Variants in ATP2B2 observed in about 807,000 individuals in gnomAD.
ATP2B2 encodes the protein plasma membrane calcium-transporting ATPase 2.
ATP2B2 carries 15 observed loss-of-function variants against 120.0 expected under a neutral mutation model. The observed-to-expected ratio is 0.12, with a 90% CI of 0.08 to 0.19. The LOEUF (loss-of-function observed/expected upper bound fraction) is 0.19, where lower values mean the gene tolerates loss of function less well. ATP2B2 is among the 10% of genes least tolerant of loss of function. ATP2B2 has a pLI of 1.00. For synonymous variants in ATP2B2, 694 were observed against 700.3 expected, an observed-to-expected ratio of 0.99 and a Z score of 0.14; for missense variants, 1,045 against 1,719.8, an observed-to-expected ratio of 0.61 and a Z score of 6.94.
intron 21 of ATP2B2, chr3:10,338,635 C>T (rs1427043921): frequency 6.6e-6 from 3 of 451,182 alleles, no homozygotes; most frequent in African/African-American, 2.1e-5. Context: ...ACATAGTGGA[C>T]AATCTTGGCC....
At chr3:10,536,393 G>A (rs1397032178) in intron 2 of ATP2B2, among the ~76,000 whole-genome samples, 1 of 140,242 alleles carries the variant, frequency 7.1e-6, no homozygotes, top group Non-Finnish European at 1.6e-5. Flanking sequence ...TTATGGATTT[G>A]CTTTCCTCTT....
intron 1 of ATP2B2, among the ~76,000 whole-genome samples, chr3:10,707,687 G>A (rs974719645): frequency 2.0e-5 from 3 of 147,532 alleles, no homozygotes; most frequent in African/African-American, 5.0e-5. Context: ...CGCCCACCCC[G>A]GCCCGCCCCG....
intron 2 of ATP2B2, among the ~76,000 whole-genome samples, chr3:10,564,285 C>A (rs929115425): frequency 6.6e-6 from 1 of 152,202 alleles, no homozygotes; most frequent in Non-Finnish European, 1.5e-5. Context: ...CTCTTTTGTT[C>A]CCGGTGCAAC....
At position 10,350,410 on chromosome 3, in the gene ATP2B2, G is replaced by A. The variant is rs147370723; in HGVS notation, c.2304C>T (p.Asn768=). Residue 768 remains asparagine, a synonymous_variant, in exon 15 of 23, where the codon AAC becomes AAT. Transcript: ENST00000360273. ...EGKEFNRRIR[N]EKGEIEQERI... ...TTGGGACACGCACCTCCCCCTTCTC[G>A]TTGCGGATCCTCCTGTTGAACTCCT... The A allele has an allele frequency of 3.8e-5, 62 of 1,614,042 alleles. No individual in the cohort carries two copies. The highest frequency in any genetic ancestry group is 1.0e-4 in the Admixed American group (6 of 59,986).
intron 1 of ATP2B2, among the ~76,000 whole-genome samples, chr3:10,454,428 T>C (rs1320470062): frequency 6.6e-6 from 1 of 152,202 alleles, no homozygotes; most frequent in African/African-American, 2.4e-5. Context: ...TGAGCCAGTA[T>C]AGAGGGACAG....
At chr3:10,545,072 G>A (rs1354926169) in intron 2 of ATP2B2, among the ~76,000 whole-genome samples, 2 of 152,162 alleles carry the variant, frequency 1.3e-5, no homozygotes, top group African/African-American at 4.8e-5. Flanking sequence ...AACCACACCT[G>A]CAGGAACCAC....
intron 2 of ATP2B2, among the ~76,000 whole-genome samples, chr3:10,604,407 C>T (rs923335683): frequency 4.6e-5 from 7 of 152,184 alleles, no homozygotes; most frequent in East Asian, 3.9e-4. Flanking sequence ...CCTAACCTTC[C>T]GGATGAAGTC....
chr3:10,695,775 T>TG (rs2125716595), intron 1 of ATP2B2, among the ~76,000 whole-genome samples: 1 of 152,268 alleles, frequency 6.6e-6, no homozygotes, highest in Non-Finnish European at 1.5e-5. Flanking sequence ...CAACAAGACA[T>TG]GCTTACTATT....
At chr3:10,589,127 G>A (rs1174385793) in intron 2 of ATP2B2, among the ~76,000 whole-genome samples, 3 of 152,174 alleles carry the variant, frequency 2.0e-5, no homozygotes, top group Admixed American at 1.3e-4. Context: ...GGGTCAGGGT[G>A]GGCCTCCTTT....
chr3:10,409,946 A>T (rs1469889524), intron 3 of ATP2B2, among the ~76,000 whole-genome samples: 3 of 152,322 alleles, frequency 2.0e-5, no homozygotes, highest in South Asian at 4.1e-4. Context: ...GCCTGCACAG[A>T]TGTCAGGGTC....
rs115035670 is a variant in ATP2B2, at chr3:10,554,116, C to T, written c.-414-19983G>A. Among the ~76,000 whole-genome samples the T allele has an allele frequency of 1.8e-3, 281 of 152,254 alleles. 2 individuals carry two copies. Among genetic ancestry groups the T allele is most frequent in the African/African-American group, 6.5e-3 (271 of 41,548 alleles). ...GCCATTGCTGGCAATAGAAATACCCCAGGAATAAAGAATTAACCCCATGTA... is the reference window on the plus strand; with the variant it reads ...GCCATTGCTGGCAATAGAAATACCCTAGGAATAAAGAATTAACCCCATGTA... On this transcript the variant is annotated intron_variant, in intron 2 of 21. Coordinates refer to the ATP2B2 transcript ENST00000646379.
chr3:10,570,574 T>A (rs989319418), intron 2 of ATP2B2, among the ~76,000 whole-genome samples: 2 of 152,234 alleles, frequency 1.3e-5, no homozygotes, highest in African/African-American at 4.8e-5. Context: ...TCAGTTGATT[T>A]TTCCCTCGTA....
intron 17 of ATP2B2, 108 bp downstream of exon 17, chr3:10,345,923 G>A: frequency 8.7e-7 from 1 of 1,143,470 alleles, no homozygotes. Flanking sequence ...CACGGCAGAT[G>A]GCGGGTGGGC....
chr3:10,647,163 T>C lies in ATP2B2; in HGVS notation c.-459-27202A>G, dbSNP rs2070343135. 4.6e-5 allele frequency among the ~76,000 whole-genome samples: 7 copies of C among 152,222 alleles called. No individual in the cohort carries two copies. In the South Asian group the frequency reaches 1.5e-3, roughly 32 times the overall value. The stretch of plus-strand genomic sequence containing the variant: ...ATTGTGGAGAACAAGGAATCTGAGC[T>C]GTGTCCAGCCCATGGGGAGGGTTTC... On this transcript the variant is annotated intron_variant, in intron 1 of 21. Coordinates refer to the ATP2B2 transcript ENST00000646379.
intron 2 of ATP2B2, among the ~76,000 whole-genome samples, chr3:10,546,682 CATAT>C (rs2067554789): frequency 6.6e-6 from 1 of 152,206 alleles, no homozygotes; most frequent in African/African-American, 2.4e-5. Context: ...GTCCCACCAC[CATAT>C]ATTCATCTTC....
At chr3:10,473,964 T>G (rs1470479633) in intron 1 of ATP2B2, among the ~76,000 whole-genome samples, 2 of 152,246 alleles carry the variant, frequency 1.3e-5, no homozygotes, top group Non-Finnish European at 2.9e-5. Flanking sequence ...TAGATTAACG[T>G]ACTTTTCCCT....
chr3:10,555,357 C>G (rs942351920), intron 2 of ATP2B2, among the ~76,000 whole-genome samples: 1 of 152,240 alleles, frequency 6.6e-6, no homozygotes, highest in Non-Finnish European at 1.5e-5. Context: ...GTTGAATGGA[C>G]CACAGGATTA....
chr3:10,589,260 G>A (rs973087587), intron 2 of ATP2B2, among the ~76,000 whole-genome samples: 9 of 152,282 alleles, frequency 5.9e-5, no homozygotes, highest in African/African-American at 2.2e-4. Context: ...GTCCTAGAAG[G>A]CTAGAGACCC....
intron 1 of ATP2B2, among the ~76,000 whole-genome samples, chr3:10,691,889 A>AC (rs1575629123): frequency 1.3e-5 from 2 of 152,166 alleles, no homozygotes; most frequent in Admixed American, 6.5e-5. Flanking sequence ...CCAAGGAATG[A>AC]CAGGTGCTAG....
Sources: gnomAD v4.1 joint callset for allele counts (sites outside exome capture counted in the v4.1 genomes callset) on GRCh38, gnomAD v4.1.1 for gene constraint, MANE v1.5 for transcripts, NCBI Gene and HGNC (gene_info 2026-07-23, HGNC 2026-07-21) for gene names.